The following ANGPTL6 variants were observed in gnomAD, a reference collection of about 807,000 sequenced individuals.
The protein encoded by ANGPTL6 is angiopoietin like 6.
In ANGPTL6, 45 loss-of-function variants were observed where a neutral mutation model predicts 47.4. The observed-to-expected ratio is 0.95, with a 90% confidence interval of 0.75 to 1.22. The LOEUF is 1.22. Ranked by LOEUF, ANGPTL6 falls within the 50% of genes most tolerant of loss-of-function variation. The probability of loss-of-function intolerance (pLI) is 0.00; values close to 1 mark genes in which losing one functional copy is unlikely to be tolerated. For synonymous variants in ANGPTL6, 290 were observed against 295.9 expected (o/e 0.98, Z 0.20); for missense variants, 698 against 669.4 (o/e 1.04, Z -0.47).
chr19:10,100,928 C>G (rs202121784), intron 1 of ANGPTL6, among the ~76,000 whole-genome samples: 1 of 151,604 alleles, frequency 6.6e-6, no homozygotes, highest in East Asian at 1.9e-4. Flanking sequence ...GTAATCCCAG[C>G]ACTTTGGGAG....
Position 10,094,871 on chromosome 19 carries a change from C to G in ANGPTL6, c.650G>C (p.Ser217Thr), listed in dbSNP as rs757283880. 1.9e-6 allele frequency: 3 copies of G among 1,614,204 alleles called. No individual in the cohort carries two copies. The South Asian group carries it at 3.3e-5, about 18-fold the overall frequency. ...CTCTGGGGCTGGGTCCAGCATCCTA[C>G]TGGTGTCACTGGTGCTACCCACAAG... ...VRLVGSTSDT[S>T]RMLDPAPEPQ... Residue 217 changes from serine (S) to threonine (T), a missense_variant, in exon 3 of 6, where the codon AGT becomes ACT. Ser to Thr is a moderately conservative substitution (Grantham distance 58). Transcript: ENST00000253109.
In ANGPTL6 at chr19:10,092,696, C is replaced by T. The variant is rs138002045; in HGVS notation, c.1306G>A (p.Gly436Ser). The change falls in exon 6 of 6, where the codon GGC becomes AGC. Residue 436 changes from glycine to serine, a missense_variant. By Grantham distance (56) the Gly-to-Ser change is moderately conservative (BLOSUM62 0). Transcript: ENST00000253109. ...SNLNGVWHHG[G>S]HYRSRYQDGV... ...TCCTGGTAGCGGCTTCGGTAGTGGC[C>T]GCCGTGGTGCCACACACCGTTGAGG... The T allele has an allele frequency of 1.9e-5, 31 of 1,613,874 alleles. No homozygotes were observed. The highest frequency in any genetic ancestry group is 8.3e-5 in the Admixed American group (5 of 59,988).
At chr19:10,101,961 A>G (rs2088691305) in intron 1 of ANGPTL6, among the ~76,000 whole-genome samples, 1 of 149,612 alleles carries the variant, frequency 6.7e-6, no homozygotes, top group South Asian at 2.1e-4. Context: ...AAAAAAAAAA[A>G]AAAAATTAGC....
At chr19:10,095,938 C>T in intron 2 of ANGPTL6, 44 bp downstream of exon 2, 2 of 1,165,310 alleles carry the variant, frequency 1.7e-6, no homozygotes, top group African/African-American at 1.6e-5. Context: ...GCAAAACCCC[C>T]ATTTCACAGA....
intron 1 of ANGPTL6, 31 bp from the exon 2 acceptor site, chr19:10,096,604 G>A (rs1209572756): frequency 2.1e-6 from 3 of 1,442,574 alleles, no homozygotes; most frequent in Admixed American, 5.2e-5. Flanking sequence ...GAAGGAAGAC[G>A]GGGTGCTGGG....
chr19:10,094,812 G>A lies in ANGPTL6; in HGVS notation c.709C>T (p.Pro237Ser). 9 of 1,614,226 alleles carry A rather than the reference G, an allele frequency of 5.6e-6. No homozygotes were observed. The highest frequency in any genetic ancestry group is 7.6e-6 in the Non-Finnish European group (9 of 1,180,034). Residue 237 changes from proline (P) to serine (S), a missense_variant, in exon 3 of 6, where the codon CCC becomes TCC. Coordinates refer to ENST00000253109, the MANE Select transcript of ANGPTL6 (RefSeq NM_031917.3). ...QRDQTQRQQEPMASPMPAGHP... is the reference protein window; with the variant it reads ...QRDQTQRQQESMASPMPAGHP... The stretch of plus-strand genomic sequence containing the variant: ...CCTGCAGGCATGGGAGAAGCCATGG[G>A]CTCCTGCTGTCTCTGGGTCTGGTCT...
upstream of ANGPTL6, chr19:10,102,854 G>C (rs953924526): frequency 2.6e-5 from 22 of 841,902 alleles, no homozygotes; most frequent in Non-Finnish European, 3.2e-5. Flanking sequence ...GATAACACAG[G>C]TCAGTGTCCT....
At chr19:10,096,888 G>A (rs1016506601) in intron 1 of ANGPTL6, among the ~76,000 whole-genome samples, 1 of 149,082 alleles carries the variant, frequency 6.7e-6, no homozygotes, top group Non-Finnish European at 1.5e-5. Flanking sequence ...GAGACCAGGA[G>A]TTCGAGACCA....
chr19:10,100,567 ACATATCC>A (rs2088654555), intron 1 of ANGPTL6, among the ~76,000 whole-genome samples: 1 of 152,194 alleles, frequency 6.6e-6, no homozygotes, highest in Non-Finnish European at 1.5e-5. Flanking sequence ...CTGCACAAGC[ACATATCC>A]CGAGGGTCTC....
At chr19:10,095,015 T>A in intron 2 of ANGPTL6, 77 bp from the exon 3 acceptor site, 1 of 1,386,670 alleles carries the variant, frequency 7.2e-7, no homozygotes, top group Non-Finnish European at 9.6e-7. Context: ...GCAGAAATGG[T>A]GGATAAATCT....
rs754807990 is a variant in ANGPTL6 at position 10,096,160 on chromosome 19, G to T, written c.404C>A (p.Ala135Glu). The T allele has an allele frequency of 1.5e-6, 2 of 1,315,264 alleles. No individual in the cohort carries two copies. The highest frequency in any genetic ancestry group is 3.1e-5 in the African/African-American group (2 of 65,148). The allele number at this position is 1,315,264 out of a possible 1,614,324, so 81.5% of individuals were successfully genotyped here. ...GADLGAEPAA[A>E]LALLGERVLN... ...CACGCGCTCCCCGAGCAGCGCCAGC[G>T]CCGCGGCAGGCTCCGCCCCCAGATC... is the stretch of plus-strand genomic sequence containing the variant. Residue 135 changes from alanine (A) to glutamate (E), a missense_variant, in exon 2 of 6, where the codon GCG (alanine) becomes GAG (glutamate). Physicochemically the swap from Ala to Glu is moderately radical, Grantham distance 107. Transcript: ENST00000253109.
At chr19:10,094,370 T>C (rs1161539582) in intron 3 of ANGPTL6, among the ~76,000 whole-genome samples, 1 of 152,064 alleles carries the variant, frequency 6.6e-6, no homozygotes, top group Non-Finnish European at 1.5e-5. Context: ...ATGGTCTTGA[T>C]CTCCTGACCT....
At chr19:10,095,726 C>T (rs2088511768) in intron 2 of ANGPTL6, among the ~76,000 whole-genome samples, 1 of 152,078 alleles carries the variant, frequency 6.6e-6, no homozygotes, top group African/African-American at 2.4e-5. Context: ...CATAACACTC[C>T]TAAAGGGGTT....
rs776277595 is a variant in ANGPTL6, at chr19:10,092,548, A to C, written c.*41T>G. On this transcript the variant is annotated 3_prime_UTR_variant, in exon 6 of 6. Transcript: ENST00000253109. ...GCCAGAACAACTTGGGCTCCTGCTG[A>C]CCAATGTCCTCTAGGGCCTAGGGGA... 6.4e-7 allele frequency: 1 copy of C among 1,559,918 alleles called. No homozygotes were observed. Among genetic ancestry groups the C allele is most frequent in the East Asian group, 2.3e-5 (1 of 44,226 alleles).
chr19:10,093,583 C>T lies in ANGPTL6; in HGVS notation c.988G>A (p.Gly330Ser). Residue 330 changes from glycine to serine, a missense_variant, in exon 5 of 6, where the codon GGC becomes AGC. Gly to Ser is a moderately conservative substitution (Grantham distance 56). Transcript: ENST00000253109. ...FGRPDGEYWL[G>S]LEPVYQLTSR... ...GTCAGCTGATACACGGGTTCAAGGC[C>T]CAGCCAGTATTCTCCGTCTGGCCGC... The T allele has an allele frequency of 6.2e-7, 1 of 1,613,870 alleles. No individual in the cohort carries two copies.
upstream of ANGPTL6, among the ~76,000 whole-genome samples, chr19:10,104,140 T>C (rs949000129): frequency 1.3e-5 from 2 of 149,976 alleles, no homozygotes; most frequent in Non-Finnish European, 3.0e-5. Context: ...GTCCACATAA[T>C]TATTTGTTGA....
At chr19:10,095,755 A>G (rs988908380) in intron 2 of ANGPTL6, among the ~76,000 whole-genome samples, 2 of 152,218 alleles carry the variant, frequency 1.3e-5, no homozygotes, top group Non-Finnish European at 2.9e-5. Context: ...TTACGTGATA[A>G]TGATATGTTT....
chr19:10,096,724 C>T (rs2088555169), intron 1 of ANGPTL6, 151 bp from the exon 2 acceptor site: 1 of 552,928 alleles, frequency 1.8e-6, no homozygotes, highest in South Asian at 2.5e-5. Context: ...CTGGAGGGCC[C>T]CAGGGTGATC....
Position 10,093,995 on chromosome 19 carries a change from C to G in ANGPTL6, c.764-115G>C, listed in dbSNP as rs149284435. ...CAGAATAAGAGTTCTGCCTCTCCCA[C>G]TTTTCTACCAAAGAGTCCTGCCTCT... On this transcript the variant is annotated intron_variant, in intron 3 of 5. Coordinates refer to ENST00000253109, the MANE Select transcript of ANGPTL6 (RefSeq NM_031917.3). 616 of 1,122,688 alleles carry G rather than the reference C, an allele frequency of 5.5e-4. 4 individuals carry two copies. In the East Asian group the frequency reaches 0.014, roughly 26 times the overall value. 69.5% of individuals were successfully genotyped at this position (1,122,688 alleles called of 1,614,324 possible). A position where few individuals can be genotyped will look rare whatever the true frequency, so the allele number is the denominator to read the frequency against.
Sources: allele counts gnomAD v4.1 joint callset (sites outside exome capture counted in the v4.1 genomes callset), GRCh38; gene constraint gnomAD v4.1.1; transcripts MANE v1.5; gene names NCBI Gene and HGNC (gene_info 2026-07-23, HGNC 2026-07-21).